DCHS1: variants seen among roughly 807,000 people sequenced by gnomAD.
DCHS1 encodes protocadherin-16.
In DCHS1, 78 loss-of-function variants were observed where a neutral mutation model predicts 213.9. The observed-to-expected ratio is 0.36, with a 90% confidence interval of 0.30 to 0.44. DCHS1 has a LOEUF of 0.44. Among genes scored for constraint, DCHS1 ranks in the 20% least tolerant of loss-of-function variants. The pLI is 1.00. For synonymous variants in DCHS1, 1,828 were observed against 1,873.7 expected, an observed-to-expected ratio of 0.98 and a Z score of 0.63; for missense variants, 3,946 against 4,395.9, an observed-to-expected ratio of 0.90 and a Z score of 2.89.
Position 6,622,316 on chromosome 11 carries a change from C to T in DCHS1, c.9360G>A (p.Leu3120=), listed in dbSNP as rs779726789. Residue 3120 remains leucine (L), a synonymous_variant, in exon 21 of 21, where the codon CTG becomes CTA. Transcript: ENST00000299441. The surrounding 1 kb of genome is among the most constrained non-coding windows in gnomAD (Gnocchi z 5.4). ...GTGCAGGGCTCAGGCCACAGCCCCC[C>T]AGGAAGGCTGTGGCAGTGGCTGGGG... is the stretch of plus-strand genomic sequence containing the variant. ...EGPPATATAF[L]GGCGLSPAPT... 6.2e-7 allele frequency: 1 copy of T among 1,606,158 alleles called. No homozygotes were observed. Among genetic ancestry groups the T allele is most frequent in the South Asian group, 1.1e-5 (1 of 89,894 alleles).
At chr11:6,646,404 G>GCTCGC (rs1217656872) in intron 1 of DCHS1, among the ~76,000 whole-genome samples, 1 of 151,944 alleles carries the variant, frequency 6.6e-6, no homozygotes, top group Non-Finnish European at 1.5e-5. Context: ...ACCGTCTCAT[G>GCTCGC]CTCGCTCCAG....
Position 6,623,748 on chromosome 11 carries a change from G to A in DCHS1, c.7928C>T (p.Ser2643Leu), listed in dbSNP as rs1855744993. The change falls in exon 21 of 21, where the codon TCA becomes TTA. Residue 2643 changes from serine to leucine, a missense_variant. This residue lies in a region of DCHS1 where 3,384 missense variants were observed against 3,780.1 expected (regional missense o/e 0.90). Transcript: ENST00000299441. ...CTCAAAGAGCCCTGATGGGTCGCCT[G>A]AGCTGACAGTGAAACGCACGAGGCC... ...PHGLVRFTVS[S>L]GDPSGLFELD... The A allele has an allele frequency of 1.9e-6, 3 of 1,613,934 alleles. No homozygotes were observed. The highest frequency in any genetic ancestry group is 2.5e-6 in the Non-Finnish European group (3 of 1,179,912).
In DCHS1 at chr11:6,624,614, C is replaced by T. The variant is rs1855763609; in HGVS notation, c.7285+116G>A. The T allele has an allele frequency of 2.7e-6, 4 of 1,489,016 alleles. No individual in the cohort carries two copies. The Admixed American group carries it at 8.0e-5, about 30-fold the overall frequency. The allele number at this position is 1,489,016 out of a possible 1,614,324, so 92.2% of individuals were successfully genotyped here. ...AATGAAGACAGAGGGGAGGAAATGT[C>T]CTCCCTAGGCCAGAGATCCAGGAGT... On this transcript the variant is annotated intron_variant, in intron 20 of 20. Transcript: ENST00000299441.
intron 2 of DCHS1, among the ~76,000 whole-genome samples, 196 bp from the exon 3 acceptor site, chr11:6,634,502 A>G (rs1177561364): frequency 6.6e-6 from 1 of 152,188 alleles, no homozygotes; most frequent in Non-Finnish European, 1.5e-5. Flanking sequence ...CTCTAGCCAT[A>G]ACATTTTTTG....
At position 6,632,848 on chromosome 11, in the gene DCHS1, A is replaced by T; in HGVS notation, c.2664T>A (p.Asn888Lys). Residue 888 changes from asparagine to lysine, a missense_variant, in exon 6 of 21, where the codon AAT becomes AAA. Around this residue, in one of 3 missense-constraint regions of DCHS1, gnomAD observed 3,384 missense variants for 3,780.1 expected, o/e 0.90. Coordinates refer to ENST00000299441, the MANE Select transcript of DCHS1 (RefSeq NM_003737.4). This position sits in a 1 kb window ranked among gnomAD's most constrained non-coding sequence, Gnocchi z 5.9. ...ARVRVLLDDVNDNSPAFPAPE... is the reference protein window; with the variant it reads ...ARVRVLLDDVKDNSPAFPAPE... Reference sequence around the variant, plus strand: ...GTGCAGGAAAGGCAGGGGAGTTGTCATTCACATCATCCAGCAGCACACGCA... The same window carrying T: ...GTGCAGGAAAGGCAGGGGAGTTGTCTTTCACATCATCCAGCAGCACACGCA... 6.2e-7 allele frequency: 1 copy of T among 1,614,028 alleles called. No individual in the cohort carries two copies. Among genetic ancestry groups the T allele is most frequent in the Non-Finnish European group, 8.5e-7 (1 of 1,179,890 alleles).
chr11:6,634,002 C>A lies in DCHS1; in HGVS notation c.2005G>T (p.Val669Leu), dbSNP rs376031665. 3 of 1,613,804 alleles carry A rather than the reference C, an allele frequency of 1.9e-6. No individual in the cohort carries two copies. The African/African-American group carries it at 4.0e-5, about 22-fold the overall frequency. ...AVDGGGLKSM[V>L]YVKVFLSDEN... ...TCTGACAGAAACACCTTCACATATA[C>A]CATGGACTTGAGGCCTCCCTGGTGG... The change falls in exon 4 of 21, where the codon GTA becomes TTA. Residue 669 changes from valine to leucine, a missense_variant. Val to Leu is a conservative substitution (Grantham distance 32, BLOSUM62 1). Around this residue, in one of 3 missense-constraint regions of DCHS1, gnomAD observed 3,384 missense variants for 3,780.1 expected, o/e 0.90. Coordinates refer to ENST00000299441, the MANE Select transcript of DCHS1 (RefSeq NM_003737.4).
intron 11 of DCHS1, 23 bp downstream of exon 11, chr11:6,629,649 T>C (rs1322532747): frequency 6.2e-7 from 1 of 1,612,672 alleles, no homozygotes; most frequent in South Asian, 1.1e-5. Flanking sequence ...ATCCCACTCA[T>C]AATTCACCCC....
intron 1 of DCHS1, among the ~76,000 whole-genome samples, chr11:6,646,634 C>T (rs1237059509): frequency 6.6e-6 from 1 of 152,186 alleles, no homozygotes; most frequent in Non-Finnish European, 1.5e-5. Context: ...TGGCTCTTCT[C>T]CCACCTGATT....
intron 1 of DCHS1, among the ~76,000 whole-genome samples, chr11:6,644,666 G>C (rs996790050): frequency 1.3e-5 from 2 of 152,214 alleles, no homozygotes; most frequent in African/African-American, 4.8e-5. Flanking sequence ...GCATTTAGTA[G>C]AGTTATAGCA....
chr11:6,652,902 C>A (rs1344583798), intron 1 of DCHS1, among the ~76,000 whole-genome samples: 2 of 152,194 alleles, frequency 1.3e-5, no homozygotes, highest in Non-Finnish European at 2.9e-5. Context: ...CTCCTTCTCT[C>A]CGGCCACTAC....
At chr11:6,638,437 T>A (rs1292974284) in intron 2 of DCHS1, among the ~76,000 whole-genome samples, 1 of 152,230 alleles carries the variant, frequency 6.6e-6, no homozygotes, top group Non-Finnish European at 1.5e-5. Flanking sequence ...CTGTCTTTTC[T>A]CATCTCCCCC....
At position 6,641,329 on chromosome 11, in the gene DCHS1, G is replaced by A. The variant is rs773367423; in HGVS notation, c.285C>T (p.Asp95=). ...CTGTACGGACGACCCCACTGTGTTC[G>A]TCAATGGCCAGGTCTGTGCCCACGC... ...GSGVGTDLAI[D]EHSGVVRTAR... The change falls in exon 2 of 21, where the codon GAC becomes GAT. Residue 95 remains aspartate (D), a synonymous_variant. Coordinates refer to ENST00000299441, the MANE Select transcript of DCHS1 (RefSeq NM_003737.4). The surrounding 1 kb of genome is among the most constrained non-coding windows in gnomAD (Gnocchi z 7.1). 3.9e-5 allele frequency: 63 copies of A among 1,613,518 alleles called. No homozygotes were observed. Among genetic ancestry groups the A allele is most frequent in the Non-Finnish European group, 4.8e-5 (57 of 1,179,896 alleles).
rs113892733 is a variant in DCHS1, at chr11:6,633,184, G to C, written c.2456-128C>G. 174 of 1,219,532 alleles carry C rather than the reference G, an allele frequency of 1.4e-4. No individual in the cohort carries two copies. In the African/African-American group the frequency reaches 2.3e-3, roughly 16 times the overall value. The allele number at this position is 1,219,532 out of a possible 1,614,324, so 75.5% of individuals were successfully genotyped here. On this transcript the variant is annotated intron_variant, in intron 5 of 20. Transcript: ENST00000299441. ...TGCCTTTCAAAATATTAGGAGGAGG[G>C]GCAGGGGTTGGCAAAGAAGTTGGTT...
In DCHS1 at chr11:6,626,991, G is replaced by C. The variant is rs1484736358; in HGVS notation, c.6048C>G (p.Tyr2016Ter). ...AGCGGGCCACGCGGATTTCACCAGT[G>C]TAAGAGTCCACAGTAGTGCCAGGAG... is the stretch of plus-strand genomic sequence containing the variant. ...TPPPGTTVDS[Y>*]TGEIRVARSP... Residue 2016 changes from tyrosine to a stop codon, truncating the protein, a stop_gained, in exon 14 of 21, where the codon TAC (tyrosine) becomes TAG (stop). Transcript: ENST00000299441. LOFTEE classifies it high-confidence loss of function. This position sits in a 1 kb window ranked among gnomAD's most constrained non-coding sequence, Gnocchi z 5.2. 6.2e-7 allele frequency: 1 copy of C among 1,613,774 alleles called. No homozygotes were observed. The highest frequency in any genetic ancestry group is 1.7e-5 in the Admixed American group (1 of 60,018).
At chr11:6,635,374 G>A (rs1855972483) in intron 2 of DCHS1, among the ~76,000 whole-genome samples, 1 of 152,104 alleles carries the variant, frequency 6.6e-6, no homozygotes. Flanking sequence ...TATACATTGG[G>A]TACACATTAG....
chr11:6,622,432 C>T lies in DCHS1; in HGVS notation c.9244G>A (p.Glu3082Lys), dbSNP rs1296880076. 1 of 1,555,264 alleles carries T rather than the reference C, an allele frequency of 6.4e-7. No homozygotes were observed. Among genetic ancestry groups the T allele is most frequent in the Non-Finnish European group, 8.7e-7 (1 of 1,148,740 alleles). Residue 3082 changes from glutamate to lysine, a missense_variant, in exon 21 of 21, where the codon GAA becomes AAA. This residue lies in a region of DCHS1 where 554 missense variants were observed against 590.2 expected (regional missense o/e 0.94). Transcript: ENST00000299441. The surrounding 1 kb of genome is among the most constrained non-coding windows in gnomAD (Gnocchi z 5.4). Reference sequence around the variant, plus strand: ...TACCAGGTGTCAGGGGCAGGTGGTTCGCAGGATGTGTCACTCAGACCATCT... The same window carrying T: ...TACCAGGTGTCAGGGGCAGGTGGTTTGCAGGATGTGTCACTCAGACCATCT... ...DADGLSDTSC[E>K]PPAPDTWYKG...
rs762229735 is a variant in DCHS1, at chr11:6,623,755, C to G, written c.7921G>C (p.Val2641Leu). 3.1e-6 allele frequency: 5 copies of G among 1,613,838 alleles called. No individual in the cohort carries two copies. The highest frequency in any genetic ancestry group is 1.6e-4 in the Middle Eastern group (1 of 6,084). Reference sequence around the variant, plus strand: ...AGCCCTGATGGGTCGCCTGAGCTGACAGTGAAACGCACGAGGCCATGAGGG... The same window carrying G: ...AGCCCTGATGGGTCGCCTGAGCTGAGAGTGAAACGCACGAGGCCATGAGGG... Reference protein sequence around the residue: ...PGPHGLVRFTVSSGDPSGLFE... With the variant: ...PGPHGLVRFTLSSGDPSGLFE... Residue 2641 changes from valine (V) to leucine (L), a missense_variant, in exon 21 of 21, where the codon GTC becomes CTC. By Grantham distance (32) the Val-to-Leu change is conservative (BLOSUM62 1). Transcript: ENST00000299441.
At chr11:6,639,008 G>A (rs981382281) in intron 2 of DCHS1, among the ~76,000 whole-genome samples, 1 of 151,974 alleles carries the variant, frequency 6.6e-6, no homozygotes, top group African/African-American at 2.4e-5. Flanking sequence ...CTACTTGGGA[G>A]GCTGAGGCAG....
intron 6 of DCHS1, 56 bp from the exon 7 acceptor site, chr11:6,631,865 G>A (rs1483283239): frequency 3.4e-6 from 5 of 1,474,556 alleles, no homozygotes; most frequent in South Asian, 2.9e-5. Context: ...AGAGCCTGAG[G>A]CCTGCACCTA....
Sources: allele counts gnomAD v4.1 joint callset (sites outside exome capture counted in the v4.1 genomes callset), GRCh38; gene constraint gnomAD v4.1.1; regional missense constraint gnomAD v4.1.1; non-coding constraint Gnocchi (gnomAD v3.1); transcripts MANE v1.5; gene names NCBI Gene and HGNC (gene_info 2026-07-23, HGNC 2026-07-21).